The following TMOD3 variants were observed in gnomAD, a reference collection of about 807,000 sequenced individuals.
The protein encoded by TMOD3 is tropomodulin-3.
A neutral mutation model predicts 39.2 loss-of-function variants in TMOD3; 20 were observed. The observed-to-expected ratio is 0.51, with a 90% CI of 0.36 to 0.74. The LOEUF is 0.74. Ranked by LOEUF, TMOD3 falls within the 30% of genes least tolerant of loss-of-function variation. The pLI is 0.00. For missense variants in TMOD3, 381 were observed against 412.8 expected, an observed-to-expected ratio of 0.92 and a Z score of 0.67; for synonymous variants, 143 against 145.8, an observed-to-expected ratio of 0.98 and a Z score of 0.14.
intron 9 of TMOD3, among the ~76,000 whole-genome samples, chr15:51,905,963 A>AAAG (rs2056677728): frequency 6.8e-6 from 1 of 147,114 alleles, no homozygotes; most frequent in Non-Finnish European, 1.5e-5. Flanking sequence ...AAAAAAAAAA[A>AAAG]AAAAAAAAAA....
intron 1 of TMOD3, among the ~76,000 whole-genome samples, chr15:51,836,998 A>G (rs1416987112): frequency 6.6e-6 from 1 of 152,184 alleles, no homozygotes; most frequent in Non-Finnish European, 1.5e-5. Context: ...ATACAAGTGA[A>G]CACAGTTCCT....
chr15:51,904,923 A>G (rs1204203669), intron 9 of TMOD3, among the ~76,000 whole-genome samples: 1 of 152,238 alleles, frequency 6.6e-6, no homozygotes, highest in Non-Finnish European at 1.5e-5. Flanking sequence ...AGCGAGAGAA[A>G]GCAAGCAGCT....
intron 1 of TMOD3, among the ~76,000 whole-genome samples, chr15:51,850,489 T>G (rs2056356181): frequency 6.6e-6 from 1 of 152,038 alleles, no homozygotes; most frequent in Non-Finnish European, 1.5e-5. Context: ...TAAGGTAAGG[T>G]CATCAGAGAG....
At chr15:51,853,732 C>T (rs2056373841) in intron 1 of TMOD3, among the ~76,000 whole-genome samples, 2 of 150,766 alleles carry the variant, frequency 1.3e-5, no homozygotes, top group Admixed American at 1.3e-4. Context: ...TCACTTGAAC[C>T]TAAGAGTTTG....
intron 1 of TMOD3, among the ~76,000 whole-genome samples, chr15:51,845,045 A>T (rs1471159021): frequency 6.6e-6 from 1 of 151,962 alleles, no homozygotes; most frequent in Non-Finnish European, 1.5e-5. Flanking sequence ...TTTCCTTTTT[A>T]CTTATACATT....
chr15:51,876,059 A>G (rs529700794), intron 3 of TMOD3, among the ~76,000 whole-genome samples: 2 of 152,306 alleles, frequency 1.3e-5, no homozygotes, highest in East Asian at 3.9e-4. Context: ...ATTCTTTGCT[A>G]TAAAACCTAC....
chr15:51,863,799 G>A (rs1218785463), intron 2 of TMOD3, among the ~76,000 whole-genome samples: 2 of 152,142 alleles, frequency 1.3e-5, no homozygotes. Context: ...GTTACTGGAT[G>A]ATGTATCTAT....
chr15:51,876,791 C>T (rs769858335), intron 3 of TMOD3, among the ~76,000 whole-genome samples: 6 of 152,028 alleles, frequency 3.9e-5, no homozygotes, highest in Admixed American at 1.3e-4. Flanking sequence ...AAAAATCTTC[C>T]GTCCAGGCAT....
At position 51,914,729 on chromosome 15, in the gene TMOD3, T is replaced by C. The variant is rs1447498848; in HGVS notation, c.*5919T>C. On this transcript the variant is annotated 3_prime_UTR_variant, in exon 10 of 10. Coordinates refer to ENST00000308580, the MANE Select transcript of TMOD3 (RefSeq NM_014547.5). ...TTGCTAACATAGCTGTAACAAATTA[T>C]TAAGTTCTTTTTTTTTTTTAAGATG... The C allele has an allele frequency of 6.6e-6, 1 of 152,240 alleles. No homozygotes were observed. Among genetic ancestry groups the C allele is most frequent in the Non-Finnish European group, 1.5e-5 (1 of 68,206 alleles). 9.4% of individuals were successfully genotyped at this position (152,240 alleles called of 1,614,324 possible). A position where few individuals can be genotyped will look rare whatever the true frequency, so the allele number is the denominator to read the frequency against.
chr15:51,835,022 G>A (rs866185402), intron 1 of TMOD3: 5 of 152,282 alleles, frequency 3.3e-5, no homozygotes, highest in Admixed American at 1.3e-4. Context: ...TTGATCCAGG[G>A]CTAGTTACCA....
intron 5 of TMOD3, among the ~76,000 whole-genome samples, chr15:51,889,674 A>G (rs897951771): frequency 2.6e-5 from 4 of 152,048 alleles, no homozygotes; most frequent in Non-Finnish European, 5.9e-5. Flanking sequence ...GTTCAGGACC[A>G]GCATTGGAAA....
In TMOD3 at chr15:51,900,293, A is replaced by G. The variant is rs574297231; in HGVS notation, c.874A>G (p.Asn292Asp). Residue 292 changes from asparagine (N) to aspartate (D), a missense_variant, in exon 8 of 10, where the codon AAT becomes GAT. Coordinates refer to ENST00000308580, the MANE Select transcript of TMOD3 (RefSeq NM_014547.5). Reference sequence around the variant, plus strand: ...AACCCTGGCAGAGCTCAAGATTGACAATCAGGTCAATGTTCTACAATAATA... The same window carrying G: ...AACCCTGGCAGAGCTCAAGATTGACGATCAGGTCAATGTTCTACAATAATA... ...NETLAELKID[N>D]QRQQLGTAVE... 1 of 1,614,122 alleles carries G rather than the reference A, an allele frequency of 6.2e-7. No homozygotes were observed. The highest frequency in any genetic ancestry group is 1.1e-5 in the South Asian group (1 of 91,068).
At chr15:51,880,978 A>G (rs1257989197) in intron 3 of TMOD3, among the ~76,000 whole-genome samples, 1 of 152,174 alleles carries the variant, frequency 6.6e-6, no homozygotes, top group East Asian at 1.9e-4. Flanking sequence ...GCTTGCCAAC[A>G]CTTGTCTGTT....
At chr15:51,883,463 T>TA (rs1478649618) in intron 3 of TMOD3, among the ~76,000 whole-genome samples, 2 of 152,256 alleles carry the variant, frequency 1.3e-5, no homozygotes, top group East Asian at 3.8e-4. Context: ...AGTTTTTTTT[T>TA]AGTTAGCAAG....
chr15:51,839,539 A>C (rs1165978782), intron 1 of TMOD3, among the ~76,000 whole-genome samples: 1 of 151,408 alleles, frequency 6.6e-6, no homozygotes, highest in Non-Finnish European at 1.5e-5. Flanking sequence ...TTTTAGGTAT[A>C]ATAGTCAATT....
intron 9 of TMOD3, among the ~76,000 whole-genome samples, chr15:51,904,364 CTT>C (rs1465753618): frequency 6.6e-6 from 1 of 152,198 alleles, no homozygotes; most frequent in African/African-American, 2.4e-5. Flanking sequence ...AATCCCAACT[CTT>C]TTAAAACCAT....
intron 4 of TMOD3, among the ~76,000 whole-genome samples, chr15:51,888,384 C>T (rs775846212): frequency 4.6e-5 from 7 of 152,082 alleles, no homozygotes; most frequent in Non-Finnish European, 1.0e-4. Flanking sequence ...CTAGGTGTGA[C>T]GCCACAGCCA....
rs1378017732 is a variant in TMOD3, at chr15:51,910,859, G to A, written c.*2049G>A. ...GTTAACTTTGCACTATTCCCTGTCA[G>A]TTAAAGGCCACTGATATTTTTCTAA... On this transcript the variant is annotated 3_prime_UTR_variant, in exon 10 of 10. Transcript: ENST00000308580. 6.6e-6 allele frequency: 1 copy of A among 151,844 alleles called. No homozygotes were observed. Among genetic ancestry groups the A allele is most frequent in the African/African-American group, 2.4e-5 (1 of 41,330 alleles). 9.4% of individuals were successfully genotyped at this position (151,844 alleles called of 1,614,324 possible).
chr15:51,830,091 CACCCGCG>C (rs2056246604), intron 1 of TMOD3, among the ~76,000 whole-genome samples: 1 of 152,052 alleles, frequency 6.6e-6, no homozygotes, highest in African/African-American at 2.4e-5. Context: ...CCCAGTGAAT[CACCCGCG>C]GCCCGGGCGC....
Sources: allele counts gnomAD v4.1 joint callset (sites outside exome capture counted in the v4.1 genomes callset), GRCh38; gene constraint gnomAD v4.1.1; transcripts MANE v1.5; gene names NCBI Gene and HGNC (gene_info 2026-07-23, HGNC 2026-07-21).